The following MYOF variants were observed in gnomAD, a reference collection of about 807,000 sequenced individuals.
MYOF encodes myoferlin, also known as fer-1-like 3, myoferlin.
MYOF carries 244 observed loss-of-function variants against 284.2 expected under a neutral mutation model. The observed-to-expected ratio is 0.86, with a 90% CI of 0.77 to 0.95. The LOEUF (loss-of-function observed/expected upper bound fraction) is 0.95, where lower values mean the gene tolerates loss of function less well. Ranked by LOEUF, MYOF falls within the 40% of genes least tolerant of loss-of-function variation. The pLI is 0.00. For missense variants in MYOF, 2,496 were observed against 2,560.6 expected (o/e 0.97, Z 0.54); for synonymous variants, 904 against 919.7 (o/e 0.98, Z 0.31).
rs1488772623 is a variant in MYOF at position 93,369,742 on chromosome 10, G to A, written c.2492C>T (p.Pro831Leu). 2.5e-6 allele frequency: 4 copies of A among 1,614,174 alleles called. No homozygotes were observed. The highest frequency in any genetic ancestry group is 2.2e-5 in the South Asian group (2 of 91,088). The change falls in exon 25 of 54, where the codon CCT (proline) becomes CTT (leucine). Residue 831 changes from proline (P) to leucine (L), a missense_variant. Pro to Leu is a moderately conservative substitution (Grantham distance 98). Transcript: ENST00000359263. ...CCAGATGTTCACTCGCAACTCCACA[G>A]GCACCTTTGGCCCGTTGTTTTTCTC... The part of the protein sequence containing the change: ...PQEKNNGPKV[P>L]VELRVNIWLG...
intron 37 of MYOF, among the ~76,000 whole-genome samples, chr10:93,344,726 T>TAAAAAAAAAAAAAAAAAAAAAAAAAAA (rs3081452): frequency 1.3e-5 from 1 of 76,230 alleles, no homozygotes; most frequent in Non-Finnish European, 2.6e-5. Flanking sequence ...GAACTTAAAT[T>TAAAAAAAAAAAAAAAAAAAAAAAAAAA]AAAAAAAAAA....
chr10:93,323,574 G>A (rs751646772), intron 46 of MYOF: 343 of 560,656 alleles, frequency 6.1e-4, no homozygotes, highest in Non-Finnish European at 8.7e-4. Context: ...TCACTCAGGG[G>A]TCTCTGACGG....
intron 39 of MYOF, among the ~76,000 whole-genome samples, chr10:93,338,776 C>T (rs1195312920): frequency 6.6e-6 from 1 of 151,924 alleles, no homozygotes; most frequent in Admixed American, 6.6e-5. Context: ...AATGGGTAGT[C>T]CTTGGTTGGG....
At position 93,359,817 on chromosome 10, in the gene MYOF, C is replaced by T. The variant is rs200236593; in HGVS notation, c.3120+16G>A. On this transcript the variant is annotated intron_variant, in intron 29 of 53. Coordinates refer to ENST00000359263, the MANE Select transcript of MYOF (RefSeq NM_013451.4). ...CAGAGCTCCCCAGTCCAGCTCCCTT[C>T]CCTTGCTTCTCTTACCCTTGCGGTG... 4.3e-5 allele frequency: 70 copies of T among 1,613,850 alleles called. No homozygotes were observed. Among genetic ancestry groups the T allele is most frequent in the Admixed American group, 1.7e-4 (10 of 60,002 alleles).
chr10:93,401,272 C>T, intron 12 of MYOF, 146 bp downstream of exon 12: 1 of 1,189,848 alleles, frequency 8.4e-7, no homozygotes, highest in South Asian at 1.6e-5. Context: ...TTCAACTGGG[C>T]CAGAATGAAT....
chr10:93,323,188 G>A lies in MYOF; in HGVS notation c.5361-15C>T. The A allele has an allele frequency of 1.9e-6, 3 of 1,613,896 alleles. No individual in the cohort carries two copies. In the South Asian group the frequency reaches 3.3e-5, roughly 18 times the overall value. ...GCAGGTAGTATCTGCAAGAAGCACA[G>A]TTGGAAGGTACTTTTTTTTCTGGTC... is the stretch of plus-strand genomic sequence containing the variant. On this transcript the variant is annotated splice_polypyrimidine_tract_variant and intron_variant, in intron 47 of 53. Coordinates refer to ENST00000359263, the MANE Select transcript of MYOF (RefSeq NM_013451.4).
chr10:93,422,021 G>A (rs1822932602), intron 5 of MYOF, among the ~76,000 whole-genome samples: 1 of 9,560 alleles, frequency 1.0e-4, no homozygotes, highest in African/African-American at 3.3e-4. Context: ...ACCGAGCCCC[G>A]GCAAACATTC....
At chr10:93,402,125 T>C (rs1000726605) in intron 11 of MYOF, 107 bp downstream of exon 11, 4 of 808,408 alleles carry the variant, frequency 4.9e-6, no homozygotes, top group Admixed American at 2.0e-5. Context: ...TCTGAGGGTA[T>C]TGACGGGAAG....
chr10:93,313,052 A>G lies in MYOF; in HGVS notation c.5857T>C (p.Tyr1953His). Residue 1953 changes from tyrosine (Y) to histidine (H), a missense_variant, in exon 51 of 54, where the codon TAC (tyrosine) becomes CAC (histidine). Coordinates refer to ENST00000359263, the MANE Select transcript of MYOF (RefSeq NM_013451.4). ...QKSMKGWWPC[Y>H]AEKDGARVMA... ...ACGCGGGCGCCATCTTTCTCTGCGTAGCATGGCCACCATCCTTTCATGGAC... is the reference window on the plus strand; with the variant it reads ...ACGCGGGCGCCATCTTTCTCTGCGTGGCATGGCCACCATCCTTTCATGGAC... The G allele has an allele frequency of 6.2e-7, 1 of 1,613,590 alleles. No individual in the cohort carries two copies.
chr10:93,450,515 G>T (rs984347411), intron 3 of MYOF, among the ~76,000 whole-genome samples: 2 of 150,214 alleles, frequency 1.3e-5, no homozygotes, highest in South Asian at 2.1e-4. Context: ...CGGAGGTTGC[G>T]GTAAGCTGAG....
At chr10:93,468,066 T>C (rs2057052941) in intron 1 of MYOF, among the ~76,000 whole-genome samples, 1 of 152,230 alleles carries the variant, frequency 6.6e-6, no homozygotes, top group African/African-American at 2.4e-5. Flanking sequence ...TCTAAGGGCT[T>C]TGTAAATGTT....
In MYOF at chr10:93,395,030, G is replaced by A. The variant is rs551920102; in HGVS notation, c.1417+1112C>T. ...ACCTTAAACAAGATAAGGATGAGAGGAACCTTGAGTTGCCCAAGATAAAAT... is the reference window on the plus strand; with the variant it reads ...ACCTTAAACAAGATAAGGATGAGAGAAACCTTGAGTTGCCCAAGATAAAAT... On this transcript the variant is annotated intron_variant, in intron 16 of 53. Coordinates refer to ENST00000359263, the MANE Select transcript of MYOF (RefSeq NM_013451.4). Among the ~76,000 whole-genome samples, 518 of 151,950 alleles carry A rather than the reference G, an allele frequency of 3.4e-3. 4 individuals are homozygous for A. The highest frequency in any genetic ancestry group is 5.0e-3 in the Non-Finnish European group (341 of 67,964).
At chr10:93,341,344 C>T (rs575882905) in intron 38 of MYOF, among the ~76,000 whole-genome samples, 70 of 151,748 alleles carry the variant, frequency 4.6e-4, no homozygotes, top group South Asian at 1.9e-3. Context: ...GGCATGATCT[C>T]GGCTCCCTGC....
Position 93,316,641 on chromosome 10 carries a change from T to C in MYOF, c.5698+73A>G. The C allele has an allele frequency of 2.2e-6, 3 of 1,345,474 alleles. No homozygotes were observed. In the South Asian group the frequency reaches 3.6e-5, roughly 16 times the overall value. The allele number at this position is 1,345,474 out of a possible 1,614,324, so 83.3% of individuals were successfully genotyped here. A position where few individuals can be genotyped will look rare whatever the true frequency, so the allele number is the denominator to read the frequency against. ...AAGTATTGAAGATTTAAAGAATTGCTTCCAAGTTTTCATTGACCCCACTAA... is the reference window on the plus strand; with the variant it reads ...AAGTATTGAAGATTTAAAGAATTGCCTCCAAGTTTTCATTGACCCCACTAA... On this transcript the variant is annotated intron_variant, in intron 50 of 53. Coordinates refer to ENST00000359263, the MANE Select transcript of MYOF (RefSeq NM_013451.4).
intron 3 of MYOF, among the ~76,000 whole-genome samples, chr10:93,448,930 G>A (rs1206130932): frequency 2.6e-5 from 4 of 152,190 alleles, no homozygotes; most frequent in Non-Finnish European, 4.4e-5. Context: ...GGGAGGCAGA[G>A]GTTGCAGTGA....
intron 4 of MYOF, among the ~76,000 whole-genome samples, chr10:93,431,024 C>CTTTT (rs113713765): frequency 2.8e-4 from 33 of 117,848 alleles, no homozygotes; most frequent in East Asian, 4.7e-4. Context: ...TTTTTCTTTT[C>CTTTT]TTTTTTTTTT....
At chr10:93,391,662 T>TC (rs1271505877) in intron 17 of MYOF, among the ~76,000 whole-genome samples, 1 of 152,050 alleles carries the variant, frequency 6.6e-6, no homozygotes, top group Non-Finnish European at 1.5e-5. Flanking sequence ...TCTTCCTGCC[T>TC]CCAAAGTTTC....
At position 93,374,666 on chromosome 10, in the gene MYOF, A is replaced by C. The variant is rs921000813; in HGVS notation, c.2301+97T>G. 6 of 1,261,408 alleles carry C rather than the reference A, an allele frequency of 4.8e-6. No individual in the cohort carries two copies. In the African/African-American group the frequency reaches 9.0e-5, roughly 19 times the overall value. The allele number at this position is 1,261,408 out of a possible 1,614,324, so 78.1% of individuals were successfully genotyped here. A position where few individuals can be genotyped will look rare whatever the true frequency, so the allele number is the denominator to read the frequency against. On this transcript the variant is annotated intron_variant, in intron 23 of 53. Transcript: ENST00000359263. ...TCAGAGCTGCTCAATATCCAAGATA[A>C]TGTAGTAGATTCTCTTTCCACCATC...
At position 93,362,632 on chromosome 10, in the gene MYOF, C is replaced by T. The variant is rs787636; in HGVS notation, c.2869-1075G>A. ...TAGCAAAATTTATCTAAAATATTGA[C>T]TTAAGTTTGCATAAAAATGAAGAGA... On this transcript the variant is annotated intron_variant, in intron 27 of 53. Coordinates refer to ENST00000359263, the MANE Select transcript of MYOF (RefSeq NM_013451.4). 3.1e-3 allele frequency among the ~76,000 whole-genome samples: 477 copies of T among 151,968 alleles called. 2 individuals are homozygous for T. The highest frequency in any genetic ancestry group is 0.011 in the African/African-American group (460 of 41,444).
Sources: allele counts gnomAD v4.1 joint callset (sites outside exome capture counted in the v4.1 genomes callset), GRCh38; gene constraint gnomAD v4.1.1; transcripts MANE v1.5; gene names NCBI Gene and HGNC (gene_info 2026-07-23, HGNC 2026-07-21).